Variants in RANBP2 observed in about 807,000 individuals in gnomAD.
RANBP2 encodes the protein RAN binding protein 2, also known as E3 SUMO-protein ligase RanBP2.
A neutral mutation model predicts 303.6 loss-of-function variants in RANBP2; 57 were observed. The observed-to-expected ratio is 0.19, with a 90% CI of 0.15 to 0.23. The LOEUF (loss-of-function observed/expected upper bound fraction) is 0.23. RANBP2 is among the 10% of genes least tolerant of loss of function. The pLI, the probability that RANBP2 is intolerant of heterozygous loss-of-function variation, is 1.00. For missense variants in RANBP2, 3,138 were observed against 3,780.8 expected, an observed-to-expected ratio of 0.83 and a Z score of 4.46; for synonymous variants, 1,167 against 1,301.5, an observed-to-expected ratio of 0.90 and a Z score of 2.23.
the RANBP2 span, among the ~76,000 whole-genome samples, chr2:109,253,073 G>A: frequency 6.6e-6 from 1 of 151,792 alleles, no homozygotes; most frequent in Admixed American, 6.6e-5. Context: ...TGTTGCCCAG[G>A]CTGGAGTGCA....
chr2:109,403,522 C>A, the RANBP2 span, among the ~76,000 whole-genome samples: 3 of 152,248 alleles, frequency 2.0e-5, no homozygotes, highest in African/African-American at 7.2e-5. Flanking sequence ...ACATGGTTAT[C>A]ACTTAACTTT....
At chr2:109,425,959 A>G in the RANBP2 span, among the ~76,000 whole-genome samples, 2 of 152,010 alleles carry the variant, frequency 1.3e-5, no homozygotes, top group Non-Finnish European at 2.9e-5. Context: ...GTGCAGTGGC[A>G]TGATCTTGGC....
chr2:109,537,964 TACACAC>T, the RANBP2 span, among the ~76,000 whole-genome samples: 1 of 150,778 alleles, frequency 6.6e-6, no homozygotes, highest in Non-Finnish European at 1.5e-5. Context: ...CACACACACA[TACACAC>T]ACACACACAA....
the RANBP2 span, among the ~76,000 whole-genome samples, chr2:109,298,311 A>G: frequency 1.5e-5 from 1 of 68,454 alleles, no homozygotes; most frequent in Non-Finnish European, 3.7e-5. Flanking sequence ...GCGGGAAGGG[A>G]AGCGCATCTA....
the RANBP2 span, among the ~76,000 whole-genome samples, chr2:109,039,991 G>C: frequency 6.6e-6 from 1 of 152,068 alleles, no homozygotes; most frequent in African/African-American, 2.4e-5. Context: ...TAATTTGTCA[G>C]TCTTTCCTTA....
chr2:109,107,253 T>C, the RANBP2 span, among the ~76,000 whole-genome samples: 1 of 151,126 alleles, frequency 6.6e-6, no homozygotes, highest in East Asian at 2.0e-4. Context: ...TGCCAAAGAC[T>C]TCCAGAGTTT....
At chr2:108,775,699 G>A (rs1677830752) in intron 23 of RANBP2, 33 bp from the exon 24 acceptor site, 1 of 1,607,270 alleles carries the variant, frequency 6.2e-7, no homozygotes, top group Non-Finnish European at 8.5e-7. Flanking sequence ...TAGCATTTAA[G>A]TGGCATAGTA....
the RANBP2 span, among the ~76,000 whole-genome samples, chr2:109,283,036 T>C: frequency 6.6e-6 from 1 of 152,288 alleles, no homozygotes; most frequent in African/African-American, 2.4e-5. Context: ...CTGTGTGAAC[T>C]GTGTATGCAG....
chr2:109,290,956 C>T, the RANBP2 span, among the ~76,000 whole-genome samples: 30 of 152,342 alleles, frequency 2.0e-4, no homozygotes, highest in East Asian at 4.6e-3. Flanking sequence ...CTGGGGTGCC[C>T]GGCAATATGC....
the RANBP2 span, among the ~76,000 whole-genome samples, chr2:109,174,563 G>T: frequency 6.6e-6 from 1 of 152,346 alleles, no homozygotes; most frequent in Non-Finnish European, 1.5e-5. Context: ...AACCCATGGT[G>T]TCTGGAATTC....
At chr2:109,590,998 C>CTATA in the RANBP2 span, among the ~76,000 whole-genome samples, 20 of 152,326 alleles carry the variant, frequency 1.3e-4, no homozygotes, top group African/African-American at 4.6e-4. Context: ...GGCCTTTGAC[C>CTATA]TATAGAACTG....
chr2:109,184,414 T>C, the RANBP2 span, among the ~76,000 whole-genome samples: 6 of 152,340 alleles, frequency 3.9e-5, no homozygotes, highest in African/African-American at 1.4e-4. Context: ...AAAGCAGATA[T>C]GTCAGATGTG....
chr2:109,011,618 T>C, the RANBP2 span, among the ~76,000 whole-genome samples: 2 of 152,208 alleles, frequency 1.3e-5, no homozygotes, highest in African/African-American at 4.8e-5. Context: ...GTCCTCTCTC[T>C]ATGGAACTGC....
chr2:108,740,743 A>C, intron 7 of RANBP2, 62 bp downstream of exon 7: 1 of 1,597,006 alleles, frequency 6.3e-7, no homozygotes, highest in South Asian at 1.1e-5. Context: ...TTTGAAATGA[A>C]GGTGTGCTCT....
At chr2:109,659,473 T>C in the RANBP2 span, among the ~76,000 whole-genome samples, 2 of 152,046 alleles carry the variant, frequency 1.3e-5, no homozygotes, top group Non-Finnish European at 2.9e-5. Flanking sequence ...TGTCTTCCTG[T>C]GGGGGATGTA....
At chr2:109,317,202 C>T in the RANBP2 span, among the ~76,000 whole-genome samples, 4 of 132,338 alleles carry the variant, frequency 3.0e-5, no homozygotes, top group Admixed American at 2.2e-4. Flanking sequence ...TTGGGGTTTT[C>T]GGGACCCCAG....
the RANBP2 span, among the ~76,000 whole-genome samples, chr2:109,760,118 CT>C: frequency 1.6e-5 from 2 of 126,288 alleles, no homozygotes; most frequent in African/African-American, 3.1e-5. Context: ...GTCATAGTGA[CT>C]ATATAAGTGA....
At chr2:109,149,265 C>G in the RANBP2 span, among the ~76,000 whole-genome samples, 1 of 152,148 alleles carries the variant, frequency 6.6e-6, no homozygotes, top group Non-Finnish European at 1.5e-5. Context: ...TTCTATGGCC[C>G]CCCGGGACCC....
At chr2:108,847,009 A>G in the RANBP2 span, 3 of 801,626 alleles carry the variant, frequency 3.7e-6, no homozygotes, top group East Asian at 2.5e-5. Context: ...CTTTTATCAA[A>G]TATGTTGTAC....
Sources: gnomAD v4.1 joint callset for allele counts (sites outside exome capture counted in the v4.1 genomes callset) on GRCh38, gnomAD v4.1.1 for gene constraint, MANE v1.5 for transcripts, NCBI Gene and HGNC (gene_info 2026-07-23, HGNC 2026-07-21) for gene names.